Variants in CYP4F22 observed in about 807,000 individuals in gnomAD.
CYP4F22 encodes cytochrome P450 family 4 subfamily F member 22, also known as ultra-long-chain fatty acid omega-hydroxylase.
Under a neutral mutation model 60.4 loss-of-function variants are expected in CYP4F22, and 37 were observed. That is an observed-to-expected ratio of 0.61 (90% CI 0.47 to 0.81). The LOEUF is 0.81. Ranked by LOEUF, CYP4F22 falls within the 30% of genes least tolerant of loss-of-function variation. The pLI is 0.00. For missense variants in CYP4F22, 655 were observed against 715.0 expected (o/e 0.92, Z 0.96); for synonymous variants, 258 against 280.5 (o/e 0.92, Z 0.80).
chr19:15,530,838 C>T (rs765310830), intron 4 of CYP4F22, among the ~76,000 whole-genome samples: 7 of 152,022 alleles, frequency 4.6e-5, no homozygotes, highest in South Asian at 2.1e-4. Context: ...TAGGGATTAT[C>T]GGAATTATAA....
chr19:15,513,139 T>C (rs1479063931), intron 1 of CYP4F22, among the ~76,000 whole-genome samples: 1 of 152,130 alleles, frequency 6.6e-6, no homozygotes, highest in East Asian at 1.9e-4. Flanking sequence ...GCTTTCCATA[T>C]GGACCACACA....
intron 7 of CYP4F22, among the ~76,000 whole-genome samples, chr19:15,539,893 G>A (rs1289684448): frequency 1.3e-5 from 2 of 152,160 alleles, no homozygotes; most frequent in Non-Finnish European, 2.9e-5. Context: ...GACCAGTGCT[G>A]TTAAGTATCT....
Position 15,551,924 on chromosome 19 carries a change from G to A in CYP4F22, c.*453G>A, listed in dbSNP as rs1481954861. On this transcript the variant is annotated 3_prime_UTR_variant, in exon 14 of 14. Coordinates refer to ENST00000269703, the MANE Select transcript of CYP4F22 (RefSeq NM_173483.4). ...CCCCAACTGGCTGAACCCCTGGCAGGCTTCCAAACTGAGGAAAGCTGGAGC... is the reference window on the plus strand; with the variant it reads ...CCCCAACTGGCTGAACCCCTGGCAGACTTCCAAACTGAGGAAAGCTGGAGC... 2 of 173,550 alleles carry A rather than the reference G, an allele frequency of 1.2e-5. No individual in the cohort carries two copies. Among genetic ancestry groups the A allele is most frequent in the Non-Finnish European group, 2.5e-5 (2 of 81,410 alleles). 10.8% of individuals were successfully genotyped at this position (173,550 alleles called of 1,614,324 possible). A position where few individuals can be genotyped will look rare whatever the true frequency, so the allele number is the denominator to read the frequency against.
chr19:15,543,222 C>T (rs947985040), intron 8 of CYP4F22, among the ~76,000 whole-genome samples: 4 of 152,130 alleles, frequency 2.6e-5, no homozygotes, highest in African/African-American at 9.7e-5. Flanking sequence ...ATCTCTCACT[C>T]AGGGTCTTGC....
chr19:15,538,575 G>A (rs892121329), intron 7 of CYP4F22, among the ~76,000 whole-genome samples: 4 of 152,180 alleles, frequency 2.6e-5, no homozygotes, highest in African/African-American at 9.7e-5. Flanking sequence ...ACAGGGTGGT[G>A]AACAACAGAC....
At chr19:15,527,189 C>T (rs753168468) in intron 3 of CYP4F22, among the ~76,000 whole-genome samples, 3 of 152,108 alleles carry the variant, frequency 2.0e-5, no homozygotes, top group Non-Finnish European at 2.9e-5. Flanking sequence ...TTCATCCCTT[C>T]GGTCCGTCTC....
intron 1 of CYP4F22, chr19:15,515,426 A>C (rs1385474802): frequency 8.5e-7 from 1 of 1,169,974 alleles, no homozygotes; most frequent in African/African-American, 1.5e-5. Context: ...AGCAACTTTA[A>C]GGTGTTCAGT....
At chr19:15,529,667 G>A (rs369119246) in intron 3 of CYP4F22, 42 bp from the exon 4 acceptor site, 2 of 1,612,330 alleles carry the variant, frequency 1.2e-6, no homozygotes, top group African/African-American at 2.7e-5. Context: ...GGGGAAGCTG[G>A]GGCTGGGTAC....
chr19:15,549,317 G>T, intron 12 of CYP4F22, 115 bp downstream of exon 12: 1 of 990,728 alleles, frequency 1.0e-6, no homozygotes. Flanking sequence ...TCCCCACTCC[G>T]CATTTAGCCA....
chr19:15,509,891 TC>T (rs1322461504), intron 1 of CYP4F22, among the ~76,000 whole-genome samples: 1 of 129,392 alleles, frequency 7.7e-6, no homozygotes, highest in South Asian at 3.0e-4. Context: ...CTTCCTTCCT[TC>T]CTTCCTTCCT....
Position 15,537,645 on chromosome 19 carries a change from A to C in CYP4F22, c.532A>C (p.Ser178Arg). ...GCCTTACATGAAGATCTTCAACCAG[A>C]GCGCTGACATTATGCATGTGAGTCC... ...LKPYMKIFNQ[S>R]ADIMHAKWRH... Residue 178 changes from serine (S) to arginine (R), a missense_variant, in exon 6 of 14, where the codon AGC (serine) becomes CGC (arginine). By Grantham distance (110) the Ser-to-Arg change is moderately radical (BLOSUM62 -1). Around this residue, in one of 3 missense-constraint regions of CYP4F22, gnomAD observed 430 missense variants for 457.1 expected, o/e 0.94. Transcript: ENST00000269703. 1 of 1,613,354 alleles carries C rather than the reference A, an allele frequency of 6.2e-7. No homozygotes were observed. The highest frequency in any genetic ancestry group is 8.5e-7 in the Non-Finnish European group (1 of 1,180,034).
chr19:15,550,234 A>C (rs1194769829), intron 12 of CYP4F22, among the ~76,000 whole-genome samples: 1 of 152,096 alleles, frequency 6.6e-6, no homozygotes, highest in African/African-American at 2.4e-5. Flanking sequence ...CCCAGCCTGC[A>C]ATGAGCTATG....
chr19:15,512,719 G>A (rs576306191), intron 1 of CYP4F22, among the ~76,000 whole-genome samples: 2 of 151,774 alleles, frequency 1.3e-5, no homozygotes, highest in African/African-American at 4.8e-5. Flanking sequence ...CTGGGATTAC[G>A]GGCATGAGCC....
intron 12 of CYP4F22, among the ~76,000 whole-genome samples, chr19:15,550,229 C>A (rs1304241861): frequency 2.6e-5 from 4 of 152,086 alleles, no homozygotes; most frequent in African/African-American, 9.7e-5. Flanking sequence ...CCGCGCCCAG[C>A]CTGCAATGAG....
chr19:15,551,661 A>AG lies in CYP4F22; in HGVS notation c.*195dup, dbSNP rs1450640768. 12 of 699,914 alleles carry AG rather than the reference A, an allele frequency of 1.7e-5. No homozygotes were observed. Among genetic ancestry groups the AG allele is most frequent in the Non-Finnish European group, 2.3e-5 (10 of 428,502 alleles). 43.4% of individuals were successfully genotyped at this position (699,914 alleles called of 1,614,324 possible). A position where few individuals can be genotyped will look rare whatever the true frequency, so the allele number is the denominator to read the frequency against. ...CCCTCAAGGCAAGGCTCCTCCCCTTAGGGGGCCTGATCCCGCCCCTTGAGG... is the reference window on the plus strand; with the variant it reads ...CCCTCAAGGCAAGGCTCCTCCCCTTAGGGGGGCCTGATCCCGCCCCTTGAGG... On this transcript the variant is annotated 3_prime_UTR_variant, in exon 14 of 14. Coordinates refer to ENST00000269703, the MANE Select transcript of CYP4F22 (RefSeq NM_173483.4).
chr19:15,512,267 G>A lies in CYP4F22; in HGVS notation c.-109+3684G>A, dbSNP rs562508664. Among the ~76,000 whole-genome samples the A allele has an allele frequency of 1.4e-4, 21 of 152,170 alleles. No homozygotes were observed. In the South Asian group the frequency reaches 4.3e-3, roughly 32 times the overall value. ...GGTTCACCCAAGGCTGCTAACCTAG[G>A]GAATAGGAGAGCTGAGATTTGAACC... is the stretch of plus-strand genomic sequence containing the variant. On this transcript the variant is annotated intron_variant, in intron 1 of 13. Coordinates refer to ENST00000269703, the MANE Select transcript of CYP4F22 (RefSeq NM_173483.4).
At chr19:15,515,234 G>T in intron 1 of CYP4F22, 2 of 675,126 alleles carry the variant, frequency 3.0e-6, no homozygotes, top group African/African-American at 1.8e-5. Context: ...TTTACCCACC[G>T]TCTCTCGGCC....
At chr19:15,542,393 C>T (rs1278865440) in intron 8 of CYP4F22, among the ~76,000 whole-genome samples, 2 of 151,874 alleles carry the variant, frequency 1.3e-5, no homozygotes, top group South Asian at 2.1e-4. Flanking sequence ...AAATATTAGC[C>T]GGGCGTGGTG....
rs116515943 is a variant in CYP4F22, at chr19:15,545,327, A to G, written c.1136+1048A>G. On this transcript the variant is annotated intron_variant, in intron 10 of 13. Transcript: ENST00000269703. ...AGTCTCTACCAGATTCATGCTATGTAGAGCTGATTCTGGGTGATGAAAAGA... is the reference window on the plus strand; with the variant it reads ...AGTCTCTACCAGATTCATGCTATGTGGAGCTGATTCTGGGTGATGAAAAGA... Among the ~76,000 whole-genome samples the G allele has an allele frequency of 2.7e-3, 415 of 152,224 alleles. 4 individuals are homozygous for G. The highest frequency in any genetic ancestry group is 9.5e-3 in the African/African-American group (395 of 41,546).
Sources: allele counts gnomAD v4.1 joint callset (sites outside exome capture counted in the v4.1 genomes callset), GRCh38; gene constraint gnomAD v4.1.1; regional missense constraint gnomAD v4.1.1; transcripts MANE v1.5; gene names NCBI Gene and HGNC (gene_info 2026-07-23, HGNC 2026-07-21).